Variants in BBS2 observed in about 807,000 individuals in gnomAD.
The protein encoded by BBS2 is Bardet-Biedl syndrome 2.
In BBS2, 62 loss-of-function variants were observed where a neutral mutation model predicts 83.0. That is an observed-to-expected ratio of 0.75 (90% CI 0.61 to 0.92). The LOEUF (loss-of-function observed/expected upper bound fraction) is 0.92, where lower values mean the gene tolerates loss of function less well. Among genes scored for constraint, BBS2 ranks in the 40% least tolerant of loss-of-function variants. The probability of loss-of-function intolerance (pLI) is 0.00; values close to 1 mark genes in which losing one functional copy is unlikely to be tolerated. For synonymous variants in BBS2, 303 were observed against 326.1 expected (o/e 0.93, Z 0.76); for missense variants, 784 against 901.0 (o/e 0.87, Z 1.66).
intron 14 of BBS2, 53 bp from the exon 15 acceptor site, chr16:56,497,132 CCAGA>C (rs761451695): frequency 3.4e-6 from 4 of 1,166,970 alleles, no homozygotes; most frequent in South Asian, 2.4e-5. Context: ...CTTCTTGAAC[CCAGA>C]CAAATGAAAA....
intron 1 of BBS2, 31 bp downstream of exon 1, chr16:56,519,715 G>A (rs1367997549): frequency 6.4e-7 from 1 of 1,560,716 alleles, no homozygotes; most frequent in Non-Finnish European, 8.8e-7. Context: ...GTTCCCTGGG[G>A]CCCGGGCTCC....
intron 1 of BBS2, among the ~76,000 whole-genome samples, chr16:56,517,871 G>A (rs1159885397): frequency 1.3e-5 from 2 of 151,100 alleles, no homozygotes; most frequent in Non-Finnish European, 2.9e-5. Flanking sequence ...CCAGGCTGGA[G>A]TGCAATGGCA....
At chr16:56,473,263 C>A (rs1266308713) in intron 17 of BBS2, among the ~76,000 whole-genome samples, 1 of 152,204 alleles carries the variant, frequency 6.6e-6, no homozygotes. Context: ...TGCTTTCCAA[C>A]ATTGCATTTC....
chr16:56,496,233 T>C (rs1964113452), intron 15 of BBS2, among the ~76,000 whole-genome samples: 1 of 152,128 alleles, frequency 6.6e-6, no homozygotes, highest in Non-Finnish European at 1.5e-5. Flanking sequence ...AAATTTGGCA[T>C]CCTAGCAAGC....
At chr16:56,482,390 G>A (rs1408796974), downstream of BBS2, among the ~76,000 whole-genome samples, 1 of 152,026 alleles carries the variant, frequency 6.6e-6, no homozygotes. Context: ...TTTGGAGATG[G>A]AGTCTCCCTC....
chr16:56,490,253 G>A (rs1332652349), intron 15 of BBS2, among the ~76,000 whole-genome samples: 1 of 152,080 alleles, frequency 6.6e-6, no homozygotes, highest in Non-Finnish European at 1.5e-5. Context: ...CTGGAACAGA[G>A]ACTTAATGTA....
At chr16:56,515,650 A>G (rs1964717819) in intron 1 of BBS2, among the ~76,000 whole-genome samples, 1 of 152,218 alleles carries the variant, frequency 6.6e-6, no homozygotes, top group South Asian at 2.1e-4. Flanking sequence ...AAACAGAATT[A>G]ATTTTAAATT....
intron 15 of BBS2, among the ~76,000 whole-genome samples, chr16:56,487,689 T>C (rs529880559): frequency 6.6e-6 from 1 of 152,320 alleles, no homozygotes; most frequent in East Asian, 1.9e-4. Context: ...CCTAAGTTAA[T>C]GCATTTAACA....
At chr16:56,478,659 T>C (rs1963580861) in intron 17 of BBS2, 1 of 152,206 alleles carries the variant, frequency 6.6e-6, no homozygotes, top group Non-Finnish European at 1.5e-5. Flanking sequence ...CCAAGGCCAA[T>C]TTTCCAATTC....
Position 56,506,160 on chromosome 16 carries a change from A to G in BBS2, c.677T>C (p.Val226Ala). The G allele has an allele frequency of 6.2e-7, 1 of 1,614,098 alleles. No individual in the cohort carries two copies. Among genetic ancestry groups the G allele is most frequent in the Non-Finnish European group, 8.5e-7 (1 of 1,179,974 alleles). ...RFGYALSNGT[V>A]GVYDKTSRYW... Reference sequence around the variant, plus strand: ...TCGGGATGTTTTGTCATAAACTCCAACTGTGCCATTGGAAAGGGCATAACC... The same window carrying G: ...TCGGGATGTTTTGTCATAAACTCCAGCTGTGCCATTGGAAAGGGCATAACC... Residue 226 changes from valine (V) to alanine (A), a missense_variant, in exon 6 of 17, where the codon GTT becomes GCT. Transcript: ENST00000245157.
At chr16:56,475,097 C>T (rs564257149) in intron 17 of BBS2, 21 of 824,712 alleles carry the variant, frequency 2.5e-5, no homozygotes, top group African/African-American at 1.0e-4. Context: ...AGGGATTTTA[C>T]GGGTCATGAA....
downstream of BBS2, among the ~76,000 whole-genome samples, chr16:56,482,184 A>G (rs1029449711): frequency 1.3e-5 from 2 of 152,146 alleles, no homozygotes; most frequent in Admixed American, 6.5e-5. Context: ...ACTAGCACCA[A>G]CTAGAGATTT....
At chr16:56,497,998 AGTGTT>A in intron 13 of BBS2, 118 bp from the exon 14 acceptor site, 1 of 1,071,236 alleles carries the variant, frequency 9.3e-7, no homozygotes, top group Non-Finnish European at 1.3e-6. Flanking sequence ...ATATATATGC[AGTGTT>A]GAAAAAGGAA....
At position 56,497,787 on chromosome 16, in the gene BBS2, C is replaced by T. The variant is rs1199632846; in HGVS notation, c.1753G>A (p.Asp585Asn). Reference sequence around the variant, plus strand: ...AATTCCTCAAAATAGACAGGAAAATCCGCTTCTACTTGAAGGTCTTCAATA... The same window carrying T: ...AATTCCTCAAAATAGACAGGAAAATTCGCTTCTACTTGAAGGTCTTCAATA... ...FAIEDLQVEA[D>N]FPVYFEELRK... The change falls in exon 14 of 17, where the codon GAT becomes AAT. Residue 585 changes from aspartate (D) to asparagine (N), a missense_variant. Coordinates refer to ENST00000245157, the MANE Select transcript of BBS2 (RefSeq NM_031885.5). 1 of 1,613,312 alleles carries T rather than the reference C, an allele frequency of 6.2e-7. No homozygotes were observed. The highest frequency in any genetic ancestry group is 1.3e-5 in the African/African-American group (1 of 74,846).
chr16:56,497,664 A>T, intron 14 of BBS2, 79 bp downstream of exon 14: 1 of 1,575,566 alleles, frequency 6.3e-7, no homozygotes, highest in Non-Finnish European at 8.7e-7. Context: ...TAACATAAGT[A>T]CATTTGTAGT....
At chr16:56,485,879 G>A in intron 15 of BBS2, 141 bp from the exon 16 acceptor site, 1 of 749,060 alleles carries the variant, frequency 1.3e-6, no homozygotes. Context: ...CTGCTAGTTT[G>A]CTTTGAAAAT....
chr16:56,480,550 C>T (rs1451621430), downstream of BBS2, among the ~76,000 whole-genome samples: 1 of 152,020 alleles, frequency 6.6e-6, no homozygotes, highest in Non-Finnish European at 1.5e-5. Context: ...TAACACCACA[C>T]TGGCTAATTT....
chr16:56,507,485 A>G (rs1482691518), intron 5 of BBS2, among the ~76,000 whole-genome samples: 5 of 152,206 alleles, frequency 3.3e-5, no homozygotes, highest in African/African-American at 1.2e-4. Context: ...AATGATTCCC[A>G]CCAAAGGAGA....
chr16:56,490,898 A>G (rs1441486005), intron 15 of BBS2, among the ~76,000 whole-genome samples: 2 of 151,538 alleles, frequency 1.3e-5, no homozygotes, highest in Non-Finnish European at 2.9e-5. Flanking sequence ...AATAGCTGGG[A>G]CTACAGGCGC....
Sources: gnomAD v4.1 joint callset for allele counts (sites outside exome capture counted in the v4.1 genomes callset) on GRCh38, gnomAD v4.1.1 for gene constraint, MANE v1.5 for transcripts, NCBI Gene and HGNC (gene_info 2026-07-23, HGNC 2026-07-21) for gene names.